Variants in RASGRF1 observed in about 807,000 individuals in gnomAD.
The protein encoded by RASGRF1 is ras-specific guanine nucleotide-releasing factor 1.
RASGRF1 carries 40 observed loss-of-function variants against 138.7 expected under a neutral mutation model. The observed-to-expected ratio is 0.29, with a 90% CI of 0.22 to 0.38. The LOEUF (loss-of-function observed/expected upper bound fraction) is 0.38. RASGRF1 is among the 10% of genes least tolerant of loss of function. The pLI, the probability that RASGRF1 is intolerant of heterozygous loss-of-function variation, is 1.00. For missense variants in RASGRF1, 1,108 were observed against 1,650.4 expected (o/e 0.67, Z 5.69); for synonymous variants, 614 against 663.2 (o/e 0.93, Z 1.14).
chr15:78,988,602 G>A (rs1484970447), intron 22 of RASGRF1, among the ~76,000 whole-genome samples: 1 of 152,240 alleles, frequency 6.6e-6, no homozygotes, highest in East Asian at 1.9e-4. Flanking sequence ...AGGATATGGT[G>A]TGCTGGCGGC....
At chr15:79,080,938 T>C (rs977107185) in intron 1 of RASGRF1, among the ~76,000 whole-genome samples, 5 of 152,210 alleles carry the variant, frequency 3.3e-5, no homozygotes, top group African/African-American at 7.2e-5. Flanking sequence ...GAGAATGAAC[T>C]CTGTCTATGC....
chr15:79,013,766 T>C (rs1293065443), intron 13 of RASGRF1, among the ~76,000 whole-genome samples: 2 of 152,042 alleles, frequency 1.3e-5, no homozygotes, highest in Admixed American at 1.3e-4. Context: ...TGCAAGAGAA[T>C]TGTGCCTGGT....
chr15:79,004,810 T>TG, intron 14 of RASGRF1: 1 of 985,548 alleles, frequency 1.0e-6, no homozygotes, highest in Non-Finnish European at 1.2e-6. Flanking sequence ...CGAGGCTGTC[T>TG]GCTCCACGTT....
At position 78,985,085 on chromosome 15, in the gene RASGRF1, G is replaced by T. The variant is rs368452140; in HGVS notation, c.3336C>A (p.Ala1112=). The T allele has an allele frequency of 6.2e-7, 1 of 1,613,850 alleles. No individual in the cohort carries two copies. Among genetic ancestry groups the T allele is most frequent in the African/African-American group, 1.3e-5 (1 of 74,888 alleles). ...TCATGGACGAGGTGATCTCCAGTACGGCATTGTAGTTGTGGAGGCAGCGGC... is the reference window on the plus strand; with the variant it reads ...TCATGGACGAGGTGATCTCCAGTACTGCATTGTAGTTGTGGAGGCAGCGGC... ...DICRCLHNYN[A]VLEITSSMNR... The change falls in exon 23 of 27, where the codon GCC becomes GCA. Residue 1112 remains alanine, a synonymous_variant. Transcript: ENST00000558480.
intron 1 of RASGRF1, among the ~76,000 whole-genome samples, chr15:79,085,108 ATG>A (rs1276273977): frequency 3.3e-5 from 5 of 152,152 alleles, no homozygotes; most frequent in African/African-American, 1.2e-4. Flanking sequence ...GGCCAAATAC[ATG>A]AGGTAATCAC....
intron 3 of RASGRF1, among the ~76,000 whole-genome samples, chr15:79,056,205 C>T (rs1377698943): frequency 3.9e-5 from 6 of 152,204 alleles, no homozygotes; most frequent in African/African-American, 1.4e-4. Context: ...CCCACAGTGA[C>T]TGAAGAGGTG....
chr15:79,027,790 G>A lies in RASGRF1; in HGVS notation c.1332C>T (p.Ile444=), dbSNP rs371971976. The A allele has an allele frequency of 5.6e-6, 9 of 1,614,110 alleles. No homozygotes were observed. Among genetic ancestry groups the A allele is most frequent in the South Asian group, 1.1e-5 (1 of 91,088 alleles). ...RKNLAIERMI[I]EGCEILLDTS... is the part of the protein sequence containing the mutation. ...TGTCCAGGAGGATCTCACAGCCTTC[G>A]ATGATCATGCGCTCGATGGCCAGGT... Residue 444 remains isoleucine, a synonymous_variant, in exon 9 of 27, where the codon ATC becomes ATT. Transcript: ENST00000558480. This position sits in a 1 kb window ranked among gnomAD's most constrained non-coding sequence, Gnocchi z 4.8.
Position 79,055,343 on chromosome 15 carries a change from A to G in RASGRF1, c.531+2991T>C, listed in dbSNP as rs545734339. Reference sequence around the variant, plus strand: ...AGCCAGCAACTACCCTCTGACCTGCAGGACGTGTTTGTGCATATGTGTATG... The same window carrying G: ...AGCCAGCAACTACCCTCTGACCTGCGGGACGTGTTTGTGCATATGTGTATG... On this transcript the variant is annotated intron_variant, in intron 3 of 26. Coordinates refer to ENST00000558480, the MANE Select transcript of RASGRF1 (RefSeq NM_001145648.3). Among the ~76,000 whole-genome samples the G allele has an allele frequency of 2.6e-5, 4 of 152,256 alleles. No individual in the cohort carries two copies. The East Asian group carries it at 7.7e-4, about 29-fold the overall frequency.
At chr15:78,997,983 T>C in intron 19 of RASGRF1, 113 bp downstream of exon 19, 1 of 891,028 alleles carries the variant, frequency 1.1e-6, no homozygotes, top group Non-Finnish European at 1.8e-6. Flanking sequence ...GGGGCTGTCC[T>C]TGACAAGGGC....
chr15:79,019,502 C>T (rs2056928614), intron 11 of RASGRF1, among the ~76,000 whole-genome samples: 2 of 152,146 alleles, frequency 1.3e-5, no homozygotes, highest in South Asian at 2.1e-4. Flanking sequence ...CCTCCTGGCC[C>T]CTGCAAGGGC....
chr15:79,018,202 A>G (rs11855058), intron 11 of RASGRF1, among the ~76,000 whole-genome samples: 21,107 of 152,274 alleles, frequency 0.14, 1,595 homozygotes, highest in Non-Finnish European at 0.18. Context: ...AGGTGAGGTC[A>G]CGGGCGAGGA....
intron 1 of RASGRF1, among the ~76,000 whole-genome samples, chr15:79,069,095 C>G (rs1298565539): frequency 1.3e-5 from 2 of 152,124 alleles, no homozygotes; most frequent in Non-Finnish European, 2.9e-5. Flanking sequence ...CCTGGCTGAC[C>G]CTTTGGTCTT....
At chr15:79,018,073 C>A (rs2056906311) in intron 11 of RASGRF1, among the ~76,000 whole-genome samples, 167 bp from the exon 12 acceptor site, 1 of 152,258 alleles carries the variant, frequency 6.6e-6, no homozygotes. Context: ...TGGGAAATCC[C>A]CATTTCAAAG....
chr15:79,082,019 C>A (rs930779542), intron 1 of RASGRF1, among the ~76,000 whole-genome samples: 3 of 152,180 alleles, frequency 2.0e-5, no homozygotes, highest in Non-Finnish European at 4.4e-5. Context: ...TCTGAGCTTA[C>A]ACTCACACCA....
intron 13 of RASGRF1, among the ~76,000 whole-genome samples, chr15:79,008,160 A>G (rs2056722906): frequency 6.6e-6 from 1 of 152,226 alleles, no homozygotes; most frequent in African/African-American, 2.4e-5. Context: ...TTTCGAGGGT[A>G]TCTTCTACCT....
At chr15:79,051,804 A>C (rs1464603394) in intron 3 of RASGRF1, among the ~76,000 whole-genome samples, 1 of 152,216 alleles carries the variant, frequency 6.6e-6, no homozygotes, top group Non-Finnish European at 1.5e-5. Context: ...AAGTGGGCAA[A>C]GCTCTGGAGG....
chr15:79,086,925 G>A (rs908472654), intron 1 of RASGRF1, among the ~76,000 whole-genome samples: 1 of 152,224 alleles, frequency 6.6e-6, no homozygotes, highest in Non-Finnish European at 1.5e-5. Flanking sequence ...CAGTGTGTGG[G>A]CTACAGGGCT....
chr15:78,962,413 G>T (rs141445837), intron 26 of RASGRF1, among the ~76,000 whole-genome samples, 177 bp from the exon 27 acceptor site: 1 of 152,144 alleles, frequency 6.6e-6, no homozygotes, highest in South Asian at 2.1e-4. Flanking sequence ...AGCAGTCGAC[G>T]TAAGTATTGT....
chr15:79,029,436 G>C (rs1450014709), intron 8 of RASGRF1, among the ~76,000 whole-genome samples: 1 of 152,160 alleles, frequency 6.6e-6, no homozygotes, highest in Non-Finnish European at 1.5e-5. Context: ...TAGTTTTCCT[G>C]AGCAGCTGCA....
Sources: allele counts gnomAD v4.1 joint callset (sites outside exome capture counted in the v4.1 genomes callset), GRCh38; gene constraint gnomAD v4.1.1; non-coding constraint Gnocchi (gnomAD v3.1); transcripts MANE v1.5; gene names NCBI Gene and HGNC (gene_info 2026-07-23, HGNC 2026-07-21).